GRHL2: variants seen among roughly 807,000 people sequenced by gnomAD.
GRHL2 encodes the protein grainyhead-like protein 2 homolog.
A neutral mutation model predicts 83.8 loss-of-function variants in GRHL2; 21 were observed. That is an observed-to-expected ratio of 0.25 (90% CI 0.18 to 0.36). The LOEUF is 0.36. Ranked by LOEUF, GRHL2 falls within the 10% of genes least tolerant of loss-of-function variation. GRHL2 has a pLI of 1.00. For missense variants in GRHL2, 623 were observed against 781.8 expected (o/e 0.80, Z 2.42); for synonymous variants, 280 against 278.9 (o/e 1.00, Z -0.04).
At chr8:101,585,837 TCA>T (rs1812151549) in intron 7 of GRHL2, among the ~76,000 whole-genome samples, 1 of 152,188 alleles carries the variant, frequency 6.6e-6, no homozygotes, top group Non-Finnish European at 1.5e-5. Flanking sequence ...CTGTGGGTTT[TCA>T]GTTACTGGAT....
intron 14 of GRHL2, among the ~76,000 whole-genome samples, chr8:101,650,879 C>T (rs567174635): frequency 1.8e-4 from 28 of 152,090 alleles, no homozygotes; most frequent in African/African-American, 5.8e-4. Flanking sequence ...AATGTCATCA[C>T]GCTGCCCTCT....
chr8:101,644,243 G>T lies in GRHL2; in HGVS notation c.1612+18G>T, dbSNP rs752148259. 1 of 1,596,948 alleles carries T rather than the reference G, an allele frequency of 6.3e-7. No homozygotes were observed. The highest frequency in any genetic ancestry group is 8.6e-7 in the Non-Finnish European group (1 of 1,166,146). On this transcript the variant is annotated intron_variant, in intron 13 of 15. Transcript: ENST00000646743. Reference sequence around the variant, plus strand: ...AAAGCGAGGTATCTCTCCTGCTGGGGCATGCCCTCTCAGAAGGGATGCGGG... The same window carrying T: ...AAAGCGAGGTATCTCTCCTGCTGGGTCATGCCCTCTCAGAAGGGATGCGGG...
At chr8:101,537,413 A>C (rs1158718392) in intron 1 of GRHL2, among the ~76,000 whole-genome samples, 2 of 152,222 alleles carry the variant, frequency 1.3e-5, no homozygotes, top group African/African-American at 4.8e-5. Context: ...CCACCTTAGC[A>C]TAGTGTCTCA....
intron 9 of GRHL2, among the ~76,000 whole-genome samples, chr8:101,624,993 C>T (rs966184734): frequency 3.2e-4 from 49 of 151,758 alleles, no homozygotes; most frequent in African/African-American, 1.1e-3. Context: ...GAAACAAAAC[C>T]GAACCAAAAA....
chr8:101,646,880 G>A (rs1813521112), intron 13 of GRHL2, among the ~76,000 whole-genome samples: 1 of 152,226 alleles, frequency 6.6e-6, no homozygotes, highest in African/African-American at 2.4e-5. Context: ...TGGACTGTGA[G>A]CCCAGCACAC....
intron 4 of GRHL2, 88 bp downstream of exon 4, chr8:101,558,900 G>A (rs1362522922): frequency 7.3e-7 from 1 of 1,366,134 alleles, no homozygotes; most frequent in Non-Finnish European, 1.0e-6. Flanking sequence ...TGTGATAAAT[G>A]AATTAAACAG....
intron 9 of GRHL2, among the ~76,000 whole-genome samples, chr8:101,620,947 G>A (rs1414390800): frequency 1.3e-5 from 2 of 151,752 alleles, no homozygotes; most frequent in African/African-American, 2.4e-5. Flanking sequence ...AAAAATTATC[G>A]GAGTAAAGTC....
the GRHL2 span, among the ~76,000 whole-genome samples, chr8:101,677,818 G>C: frequency 6.6e-6 from 1 of 152,068 alleles, no homozygotes; most frequent in Non-Finnish European, 1.5e-5. Flanking sequence ...TACAGCAAGT[G>C]CCCAGGACCT....
intron 8 of GRHL2, among the ~76,000 whole-genome samples, chr8:101,602,166 A>AT (rs969384888): frequency 4.6e-5 from 7 of 152,216 alleles, no homozygotes; most frequent in African/African-American, 1.2e-4. Context: ...GGCTGAGAGG[A>AT]TTTTTTTTGT....
In GRHL2 at chr8:101,518,177, T is replaced by C. The variant is rs192032160; in HGVS notation, c.21-25064T>C. The stretch of plus-strand genomic sequence containing the variant: ...GCCTCTAATAATCATATCCTCCACC[T>C]CCTTGTGACTTTCCCTATTAGAAAA... On this transcript the variant is annotated intron_variant, in intron 1 of 15. Transcript: ENST00000646743. 1.2e-3 allele frequency among the ~76,000 whole-genome samples: 178 copies of C among 152,250 alleles called. 1 individual carries two copies. Among genetic ancestry groups the C allele is most frequent in the African/African-American group, 3.7e-3 (155 of 41,532 alleles).
At chr8:101,539,443 G>A (rs1202178529) in intron 1 of GRHL2, among the ~76,000 whole-genome samples, 13 of 152,066 alleles carry the variant, frequency 8.5e-5, no homozygotes, top group Admixed American at 8.5e-4. Flanking sequence ...AGGCACCGAG[G>A]GTGGCCCCAA....
At chr8:101,517,724 C>A (rs1810600164) in intron 1 of GRHL2, among the ~76,000 whole-genome samples, 1 of 152,168 alleles carries the variant, frequency 6.6e-6, no homozygotes, top group Non-Finnish European at 1.5e-5. Flanking sequence ...TTCAGACTTT[C>A]ATGTCCGTTT....
intron 1 of GRHL2, among the ~76,000 whole-genome samples, chr8:101,501,481 C>A (rs1781128649): frequency 2.0e-5 from 3 of 152,028 alleles, no homozygotes. Context: ...CAAGGAAAGG[C>A]TGAAGTGAAG....
intron 1 of GRHL2, among the ~76,000 whole-genome samples, chr8:101,516,970 G>A (rs966314345): frequency 1.3e-5 from 2 of 152,120 alleles, no homozygotes; most frequent in African/African-American, 4.8e-5. Flanking sequence ...AAATGTTCTG[G>A]ATCAAGTTCA....
chr8:101,525,800 C>G (rs1810791703), intron 1 of GRHL2, among the ~76,000 whole-genome samples: 1 of 152,126 alleles, frequency 6.6e-6, no homozygotes, highest in Non-Finnish European at 1.5e-5. Context: ...AAAACCCCAC[C>G]TCTACAAAAA....
chr8:101,559,353 C>CAAAAAAAAAAAAAAA (rs34176940), intron 4 of GRHL2, among the ~76,000 whole-genome samples: 10 of 88,940 alleles, frequency 1.1e-4, no homozygotes, highest in African/African-American at 4.1e-4. Flanking sequence ...ACTAAAAATA[C>CAAAAAAAAAAAAAAA]AAAAAAAAAA....
intron 8 of GRHL2, among the ~76,000 whole-genome samples, chr8:101,617,837 G>A (rs139494235): frequency 2.3e-4 from 35 of 152,294 alleles, no homozygotes; most frequent in African/African-American, 7.7e-4. Flanking sequence ...CGTTTCTCAT[G>A]GTTTTGCTTC....
chr8:101,570,835 T>G (rs1427361826), intron 5 of GRHL2, among the ~76,000 whole-genome samples: 3 of 152,260 alleles, frequency 2.0e-5, no homozygotes, highest in Non-Finnish European at 2.9e-5. Flanking sequence ...CCTGTTGGAC[T>G]TTCTCAGCAC....
the GRHL2 span, among the ~76,000 whole-genome samples, chr8:101,679,682 C>G: frequency 1.3e-5 from 2 of 151,678 alleles, no homozygotes; most frequent in African/African-American, 4.9e-5. Context: ...AGAACAAGGT[C>G]AGGTTACCCT....
Sources: allele counts gnomAD v4.1 joint callset (sites outside exome capture counted in the v4.1 genomes callset), GRCh38; gene constraint gnomAD v4.1.1; transcripts MANE v1.5; gene names NCBI Gene and HGNC (gene_info 2026-07-23, HGNC 2026-07-21).